PTRH2: variants seen among roughly 807,000 people sequenced by gnomAD.
PTRH2 encodes peptidyl-tRNA hydrolase 2, mitochondrial.
Under a neutral mutation model 12.3 loss-of-function variants are expected in PTRH2, and 10 were observed. The ratio of observed to expected loss-of-function variants is 0.81; its 90% CI spans 0.50 to 1.38. The LOEUF (loss-of-function observed/expected upper bound fraction) is 1.38, where lower values mean the gene tolerates loss of function less well. Among genes scored for constraint, PTRH2 ranks in the 40% most tolerant of loss-of-function variants. The pLI is 0.00. For synonymous variants in PTRH2, 73 were observed against 77.4 expected, an observed-to-expected ratio of 0.94 and a Z score of 0.30; for missense variants, 176 against 214.1, an observed-to-expected ratio of 0.82 and a Z score of 1.11.
intron 1 of PTRH2, among the ~76,000 whole-genome samples, chr17:59,701,696 G>GT (rs965774523): frequency 2.8e-5 from 4 of 143,008 alleles, no homozygotes; most frequent in African/African-American, 1.1e-4. Flanking sequence ...AAACTTTGGG[G>GT]TTTTTTTGTT....
intron 1 of PTRH2, chr17:59,701,044 A>T (rs1394860175): frequency 6.6e-6 from 1 of 152,262 alleles, no homozygotes; most frequent in Admixed American, 6.5e-5. Flanking sequence ...AGTAGTACTT[A>T]GAAGCCAAAA....
At chr17:59,703,651 C>T (rs368520058) in intron 1 of PTRH2, among the ~76,000 whole-genome samples, 5 of 151,076 alleles carry the variant, frequency 3.3e-5, no homozygotes, top group African/African-American at 7.3e-5. Context: ...ATTACAGACA[C>T]CCGCCACTAC....
In PTRH2 at chr17:59,697,656, C is replaced by T. The variant is rs1470171363; in HGVS notation, c.323G>A (p.Trp108Ter). 4 of 1,614,176 alleles carry T rather than the reference C, an allele frequency of 2.5e-6. No individual in the cohort carries two copies. Among genetic ancestry groups the T allele is most frequent in the South Asian group, 1.1e-5 (1 of 91,080 alleles). ...CACCTTGGGCTGGCCACAGTATTCC[C>T]ATTGTTTGAGCATTTCAGGATTTCT... ...QRRNPEMLKQWEYCGQPKVVV... is the reference protein window; with the variant it reads ...QRRNPEMLKQ The change falls in exon 2 of 2, where the codon TGG becomes TAG. Residue 108 changes from tryptophan (W) to a stop codon, truncating the protein, a stop_gained. Coordinates refer to ENST00000393038, the MANE Select transcript of PTRH2 (RefSeq NM_016077.5). LOFTEE classifies it high-confidence loss of function.
chr17:59,704,729 T>C (rs1021614279), intron 1 of PTRH2, among the ~76,000 whole-genome samples: 8 of 152,118 alleles, frequency 5.3e-5, no homozygotes, highest in Non-Finnish European at 1.0e-4. Context: ...TGCACAGACA[T>C]AGTATTTATG....
intron 1 of PTRH2, among the ~76,000 whole-genome samples, chr17:59,704,027 C>G (rs1178853351): frequency 6.6e-6 from 1 of 151,300 alleles, no homozygotes; most frequent in African/African-American, 2.4e-5. Flanking sequence ...AGGCTAGTCT[C>G]GAGCTCCTGA....
intron 1 of PTRH2, chr17:59,700,840 G>A (rs1016084044): frequency 6.6e-6 from 1 of 152,190 alleles, no homozygotes; most frequent in Non-Finnish European, 1.5e-5. Flanking sequence ...AATCAAGTAG[G>A]TCCACGGATT....
intron 1 of PTRH2, chr17:59,698,379 G>A (rs1020949848): frequency 1.7e-5 from 4 of 231,542 alleles, no homozygotes; most frequent in Non-Finnish European, 2.6e-5. Context: ...TCTCAGTGGA[G>A]ATGGTATCAA....
intron 1 of PTRH2, chr17:59,698,753 A>G (rs2033498785): frequency 1.5e-6 from 1 of 646,388 alleles, no homozygotes; most frequent in East Asian, 2.7e-5. Context: ...GAACACTTAC[A>G]TTAGCCTACA....
chr17:59,697,308 GA>G lies in PTRH2; in HGVS notation c.*130del. The stretch of plus-strand genomic sequence containing the variant: ...CCCAAGATGACAACTGCCAACCATA[GA>G]ACATGGGAATAGGTTTTATTTTCAT... On this transcript the variant is annotated 3_prime_UTR_variant, in exon 2 of 2. Coordinates refer to ENST00000393038, the MANE Select transcript of PTRH2 (RefSeq NM_016077.5). The G allele has an allele frequency of 9.0e-7, 1 of 1,116,488 alleles. No individual in the cohort carries two copies. Among genetic ancestry groups the G allele is most frequent in the South Asian group, 1.7e-5 (1 of 59,996 alleles). 69.2% of individuals were successfully genotyped at this position (1,116,488 alleles called of 1,614,324 possible).
chr17:59,698,065 A>G (rs1184416728), intron 1 of PTRH2, 87 bp from the exon 2 acceptor site: 1 of 1,348,174 alleles, frequency 7.4e-7, no homozygotes, highest in Non-Finnish European at 1.0e-6. Flanking sequence ...TTGACTATAC[A>G]CTTAATGGTC....
chr17:59,698,158 A>G, intron 1 of PTRH2, 180 bp from the exon 2 acceptor site: 1 of 618,200 alleles, frequency 1.6e-6, no homozygotes. Flanking sequence ...CCAGTGTACT[A>G]GAAAAGATTC....
intron 1 of PTRH2, chr17:59,701,366 A>T (rs1161276799): frequency 2.0e-5 from 3 of 152,250 alleles, no homozygotes; most frequent in Non-Finnish European, 4.4e-5. Flanking sequence ...ATGCTGTTGA[A>T]GAACAGGTGT....
chr17:59,703,632 A>G (rs202018902), intron 1 of PTRH2, among the ~76,000 whole-genome samples: 311 of 147,536 alleles, frequency 2.1e-3, no homozygotes, highest in African/African-American at 7.6e-3. Context: ...AGCCTCCCAA[A>G]TAGCTGGGAT....
At chr17:59,699,515 A>G (rs2033517614) in intron 1 of PTRH2, 1 of 153,132 alleles carries the variant, frequency 6.5e-6, no homozygotes, top group African/African-American at 2.4e-5. Context: ...ATGTAGGATC[A>G]CTGGCACGGT....
At position 59,697,891 on chromosome 17, in the gene PTRH2, C is replaced by G. The variant is rs765174064; in HGVS notation, c.88G>C (p.Gly30Arg). The part of the protein sequence containing the change: ...AVGVACGMCL[G>R]WSLRVCFGML... ...CCAAAGCATACTCGAAGGCTCCAGC[C>G]CAGGCACATGCCACAAGCAACTCCA... The change falls in exon 2 of 2, where the codon GGC becomes CGC. Residue 30 changes from glycine (G) to arginine (R), a missense_variant. Physicochemically the swap from Gly to Arg is moderately radical, Grantham distance 125 (BLOSUM62 -2). Transcript: ENST00000393038. The G allele has an allele frequency of 6.2e-7, 1 of 1,614,008 alleles. No homozygotes were observed. Among genetic ancestry groups the G allele is most frequent in the African/African-American group, 1.3e-5 (1 of 74,928 alleles).
At chr17:59,700,497 T>A (rs1161403746) in intron 1 of PTRH2, 5 of 152,230 alleles carry the variant, frequency 3.3e-5, no homozygotes, top group Non-Finnish European at 7.3e-5. Flanking sequence ...TGGAAGTACT[T>A]ATAAATTTCC....
At position 59,697,811 on chromosome 17, in the gene PTRH2, T is replaced by G; in HGVS notation, c.168A>C (p.Ala56=). 1 of 1,614,214 alleles carries G rather than the reference T, an allele frequency of 6.2e-7. No individual in the cohort carries two copies. The highest frequency in any genetic ancestry group is 1.3e-5 in the African/African-American group (1 of 75,046). ...SKTHTDTESE[A]SILGDSGEYK... ...ACTCCCCGCTGTCTCCCAAGATGCT[T>G]GCTTCACTTTCAGTATCTGTGTGTG... Residue 56 remains alanine, a synonymous_variant, in exon 2 of 2, where the codon GCA becomes GCC. Transcript: ENST00000393038.
chr17:59,706,724 A>G (rs2033676743), intron 1 of PTRH2, among the ~76,000 whole-genome samples: 1 of 149,850 alleles, frequency 6.7e-6, no homozygotes, highest in African/African-American at 2.5e-5. Context: ...CCCAGGCTGG[A>G]GAGCAATGGA....
chr17:59,697,377 G>T lies in PTRH2; in HGVS notation c.*62C>A. On this transcript the variant is annotated 3_prime_UTR_variant, in exon 2 of 2. Transcript: ENST00000393038. ...TGGGTGAAGAAATTCAGCTTTTGTTGTTAGAATCTGACAGGCTTCAAACAC... is the reference window on the plus strand; with the variant it reads ...TGGGTGAAGAAATTCAGCTTTTGTTTTTAGAATCTGACAGGCTTCAAACAC... The T allele has an allele frequency of 6.7e-7, 1 of 1,491,380 alleles. No homozygotes were observed. Among genetic ancestry groups the T allele is most frequent in the Non-Finnish European group, 9.0e-7 (1 of 1,106,162 alleles). The allele number at this position is 1,491,380 out of a possible 1,614,324, so 92.4% of individuals were successfully genotyped here. A position where few individuals can be genotyped will look rare whatever the true frequency, so the allele number is the denominator to read the frequency against.
Sources: allele counts gnomAD v4.1 joint callset (sites outside exome capture counted in the v4.1 genomes callset), GRCh38; gene constraint gnomAD v4.1.1; transcripts MANE v1.5; gene names NCBI Gene and HGNC (gene_info 2026-07-23, HGNC 2026-07-21).